The following CACNA1B variants were observed in gnomAD, a reference collection of about 807,000 sequenced individuals.
The protein encoded by CACNA1B is calcium voltage-gated channel subunit alpha1 B, also known as voltage-dependent N-type calcium channel subunit alpha-1B.
A neutral mutation model predicts 247.2 loss-of-function variants in CACNA1B; 70 were observed. The observed-to-expected ratio is 0.28, with a 90% confidence interval of 0.23 to 0.35. The LOEUF (loss-of-function observed/expected upper bound fraction) is 0.35. Ranked by LOEUF, CACNA1B falls within the 10% of genes least tolerant of loss-of-function variation. The probability of loss-of-function intolerance (pLI) is 1.00; values close to 1 mark genes in which losing one functional copy is unlikely to be tolerated. For synonymous variants in CACNA1B, 1,231 were observed against 1,294.4 expected (o/e 0.95, Z 1.05); for missense variants, 2,367 against 3,197.4 (o/e 0.74, Z 6.26).
chr9:138,020,536 G>A lies in CACNA1B; in HGVS notation c.2268-2475G>A, dbSNP rs1305547808. On this transcript the variant is annotated intron_variant, in intron 18 of 46. Transcript: ENST00000371372. This position sits in a 1 kb window ranked among gnomAD's most constrained non-coding sequence, Gnocchi z 4.1. ...CGGCACGCAGATTCAGAGACCTAGG[G>A]GATACCTCCAGAGAGGAACTTGGTG... Among the ~76,000 whole-genome samples, 2 of 152,138 alleles carry A rather than the reference G, an allele frequency of 1.3e-5. No individual in the cohort carries two copies. The highest frequency in any genetic ancestry group is 1.5e-5 in the Non-Finnish European group (1 of 68,014).
rs192306478 is a variant in CACNA1B at position 138,099,019 on chromosome 9, T to G, written c.5222+2408T>G. Among the ~76,000 whole-genome samples, 586 of 152,378 alleles carry G rather than the reference T, an allele frequency of 3.8e-3. 1 individual carries two copies. Among genetic ancestry groups the G allele is most frequent in the Non-Finnish European group, 6.5e-3 (443 of 68,042 alleles). On this transcript the variant is annotated intron_variant, in intron 37 of 46. Transcript: ENST00000371372. Reference sequence around the variant, plus strand: ...GTAGCCTCTGTGACAAACGCAGTGATGTAGTCATTTCCCAGGGGACCACTC... The same window carrying G: ...GTAGCCTCTGTGACAAACGCAGTGAGGTAGTCATTTCCCAGGGGACCACTC...
Position 137,880,980 on chromosome 9 carries a change from C to A in CACNA1B, c.391-1764C>A. 6.6e-6 allele frequency among the ~76,000 whole-genome samples: 1 copy of A among 152,218 alleles called. No homozygotes were observed. The highest frequency in any genetic ancestry group is 6.5e-5 in the Admixed American group (1 of 15,288). On this transcript the variant is annotated intron_variant, in intron 2 of 46. Transcript: ENST00000371372. This position sits in a 1 kb window ranked among gnomAD's most constrained non-coding sequence, Gnocchi z 4.8. Reference sequence around the variant, plus strand: ...CCAAGCTGCCTGCACACCCATCCCTCCCACCTAAGCCAGCCTTCAGCCATG... The same window carrying A: ...CCAAGCTGCCTGCACACCCATCCCTACCACCTAAGCCAGCCTTCAGCCATG...
At chr9:138,019,885 C>T (rs1958821208) in intron 18 of CACNA1B, among the ~76,000 whole-genome samples, 1 of 151,968 alleles carries the variant, frequency 6.6e-6, no homozygotes, top group African/African-American at 2.4e-5. Flanking sequence ...ATTCCCTGAG[C>T]TCAGGAGTTC....
At chr9:137,951,577 C>T (rs1442297301) in intron 6 of CACNA1B, among the ~76,000 whole-genome samples, 1 of 152,220 alleles carries the variant, frequency 6.6e-6, no homozygotes, top group East Asian at 1.9e-4. Flanking sequence ...GTTCTCTACA[C>T]CCCTTAGCCA....
At position 138,052,888 on chromosome 9, in the gene CACNA1B, A is replaced by G. The variant is rs929111408; in HGVS notation, c.3807+700A>G. On this transcript the variant is annotated intron_variant, in intron 25 of 46. Transcript: ENST00000371372. This position sits in a 1 kb window ranked among gnomAD's most constrained non-coding sequence, Gnocchi z 5.1. The stretch of plus-strand genomic sequence containing the variant: ...GTGCAGTGGTCATCCACAGTGTGCC[A>G]GGCTGCTTTGTGGGAGACGGTTGTG... 6.6e-6 allele frequency among the ~76,000 whole-genome samples: 1 copy of G among 152,204 alleles called. No homozygotes were observed. Among genetic ancestry groups the G allele is most frequent in the Non-Finnish European group, 1.5e-5 (1 of 68,034 alleles).
rs771940950 is a variant in CACNA1B at position 138,058,623 on chromosome 9, C to G, written c.4363C>G (p.Gln1455Glu). 1 of 1,613,960 alleles carries G rather than the reference C, an allele frequency of 6.2e-7. No homozygotes were observed. Among genetic ancestry groups the G allele is most frequent in the East Asian group, 2.2e-5 (1 of 44,888 alleles). Reference protein sequence around the residue: ...SAKPLTRYMPQNRQSFQYKTW... With the variant: ...SAKPLTRYMPENRQSFQYKTW... ...CAAACCCCTGACACGGTACATGCCC[C>G]AAAACCGGCAGTCGTTCCAGTATAA... Residue 1455 changes from glutamine to glutamate, a missense_variant, in exon 29 of 47, where the codon CAA becomes GAA. Gln to Glu is a conservative substitution (Grantham distance 29). This residue lies in a region of CACNA1B where 436 missense variants were observed against 679.5 expected (regional missense o/e 0.64). Coordinates refer to ENST00000371372, the MANE Select transcript of CACNA1B (RefSeq NM_000718.4). This position sits in a 1 kb window ranked among gnomAD's most constrained non-coding sequence, Gnocchi z 4.7.
Position 137,949,002 on chromosome 9 carries a change from T to A in CACNA1B, c.967-3272T>A, listed in dbSNP as rs992556975. ...TGTTGTGTGTCTGGTGTTTGGTGTG[T>A]GTATGTGTGTTTTGTGTGTGTGGTG... is the stretch of plus-strand genomic sequence containing the variant. On this transcript the variant is annotated intron_variant, in intron 6 of 46. Coordinates refer to ENST00000371372, the MANE Select transcript of CACNA1B (RefSeq NM_000718.4). Among the ~76,000 whole-genome samples, 7 of 146,810 alleles carry A rather than the reference T, an allele frequency of 4.8e-5. No homozygotes were observed. In the South Asian group the frequency reaches 1.6e-3, roughly 33 times the overall value.
chr9:138,009,401 C>A (rs933379687), intron 16 of CACNA1B, among the ~76,000 whole-genome samples: 2 of 152,104 alleles, frequency 1.3e-5, no homozygotes, highest in Non-Finnish European at 2.9e-5. Flanking sequence ...GGACACCATG[C>A]GGGAAAAGGA....
At chr9:137,924,059 T>G (rs1235337033) in intron 6 of CACNA1B, among the ~76,000 whole-genome samples, 1 of 152,236 alleles carries the variant, frequency 6.6e-6, no homozygotes, top group African/African-American at 2.4e-5. Flanking sequence ...CAGTAGCTTA[T>G]CTTTTCATAC....
chr9:138,109,615 C>T (rs1961553609), intron 39 of CACNA1B, among the ~76,000 whole-genome samples: 1 of 152,202 alleles, frequency 6.6e-6, no homozygotes, highest in Non-Finnish European at 1.5e-5. Context: ...TCCTTACAGG[C>T]CCCGTCACCA....
At chr9:137,943,727 G>A (rs1321927507) in intron 6 of CACNA1B, among the ~76,000 whole-genome samples, 4 of 152,156 alleles carry the variant, frequency 2.6e-5, no homozygotes, top group Non-Finnish European at 4.4e-5. Context: ...AAGAGATAGC[G>A]AGAAGAGGAG....
At chr9:137,879,390 C>G (rs892885786) in intron 2 of CACNA1B, among the ~76,000 whole-genome samples, 1 of 152,256 alleles carries the variant, frequency 6.6e-6, no homozygotes, top group African/African-American at 2.4e-5. Flanking sequence ...CCAGTCTGCC[C>G]TGTGCCACGA....
At chr9:137,885,343 C>A (rs1457583427) in intron 3 of CACNA1B, among the ~76,000 whole-genome samples, 1 of 152,190 alleles carries the variant, frequency 6.6e-6, no homozygotes, top group East Asian at 1.9e-4. Flanking sequence ...GTGGAGGGGG[C>A]TGGGTCTGCT....
At position 137,919,355 on chromosome 9, in the gene CACNA1B, G is replaced by T. The variant is rs1040008001; in HGVS notation, c.966+1924G>T. On this transcript the variant is annotated intron_variant, in intron 6 of 46. Transcript: ENST00000371372. The surrounding 1 kb of genome is among the most constrained non-coding windows in gnomAD (Gnocchi z 4.6). ...AGGCAGTGACGAGGTACAGGGTACTGGGAGGGCAAGGCCTGGTGAGGTCTA... is the reference window on the plus strand; with the variant it reads ...AGGCAGTGACGAGGTACAGGGTACTTGGAGGGCAAGGCCTGGTGAGGTCTA... Among the ~76,000 whole-genome samples, 2 of 152,256 alleles carry T rather than the reference G, an allele frequency of 1.3e-5. No individual in the cohort carries two copies. Among genetic ancestry groups the T allele is most frequent in the South Asian group, 4.1e-4 (2 of 4,834 alleles).
At chr9:137,959,794 G>A (rs115645171) in intron 10 of CACNA1B, among the ~76,000 whole-genome samples, 1 of 152,152 alleles carries the variant, frequency 6.6e-6, no homozygotes, top group Non-Finnish European at 1.5e-5. Flanking sequence ...TGGGGGCCGC[G>A]ACACTGGAGA....
chr9:137,901,686 A>ATTTTTTTTTTT (rs57624388), intron 3 of CACNA1B, among the ~76,000 whole-genome samples: 1 of 112,394 alleles, frequency 8.9e-6, no homozygotes, highest in Non-Finnish European at 1.8e-5. Context: ...TTTTTTTGTG[A>ATTTTTTTTTTT]TTTTTTTTTT....
At chr9:138,004,432 C>A (rs1425398182) in intron 15 of CACNA1B, among the ~76,000 whole-genome samples, 1 of 151,666 alleles carries the variant, frequency 6.6e-6, no homozygotes, top group Non-Finnish European at 1.5e-5. Context: ...TGCCTGTGGA[C>A]CCAGTTACTC....
Position 138,054,032 on chromosome 9 carries a change from G to T in CACNA1B, c.3968+26G>T. The T allele has an allele frequency of 6.2e-7, 1 of 1,609,058 alleles. No individual in the cohort carries two copies. On this transcript the variant is annotated intron_variant, in intron 26 of 46. Coordinates refer to ENST00000371372, the MANE Select transcript of CACNA1B (RefSeq NM_000718.4). The surrounding 1 kb of genome is among the most constrained non-coding windows in gnomAD (Gnocchi z 4.6). ...GTAAACTGAGGCAGGGTGCAAGGTG[G>T]GACACACAGCCCCATGATGCAGACA... is the stretch of plus-strand genomic sequence containing the variant.
At chr9:137,938,217 A>C (rs1957692636) in intron 6 of CACNA1B, among the ~76,000 whole-genome samples, 1 of 152,190 alleles carries the variant, frequency 6.6e-6, no homozygotes, top group Non-Finnish European at 1.5e-5. Context: ...TGCTGAGAGA[A>C]TTCGCTACTA....
Sources: allele counts gnomAD v4.1 joint callset (sites outside exome capture counted in the v4.1 genomes callset), GRCh38; gene constraint gnomAD v4.1.1; regional missense constraint gnomAD v4.1.1; non-coding constraint Gnocchi (gnomAD v3.1); transcripts MANE v1.5; gene names NCBI Gene and HGNC (gene_info 2026-07-23, HGNC 2026-07-21).